CREB5: variants seen among roughly 807,000 people sequenced by gnomAD.
CREB5 encodes the protein cAMP responsive element binding protein 5.
A neutral mutation model predicts 57.1 loss-of-function variants in CREB5; 19 were observed. The ratio of observed to expected loss-of-function variants is 0.33; its 90% confidence interval spans 0.23 to 0.49. The LOEUF (loss-of-function observed/expected upper bound fraction) is 0.49. Ranked by LOEUF, CREB5 falls within the 20% of genes least tolerant of loss-of-function variation. CREB5 has a pLI of 0.99. For missense variants in CREB5, 579 were observed against 671.6 expected (o/e 0.86, Z 1.52); for synonymous variants, 238 against 238.3 (o/e 1.00, Z 0.01).
chr7:28,592,187 T>C (rs1796544410), intron 5 of CREB5, among the ~76,000 whole-genome samples: 2 of 152,234 alleles, frequency 1.3e-5, no homozygotes, highest in Admixed American at 1.3e-4. Context: ...GGTGGGCTGT[T>C]CCTGTTTTAA....
At chr7:28,773,777 C>T (rs1210091204) in intron 7 of CREB5, among the ~76,000 whole-genome samples, 1 of 152,202 alleles carries the variant, frequency 6.6e-6, no homozygotes, top group Non-Finnish European at 1.5e-5. Context: ...TAATATGGCT[C>T]CAACCAGGTT....
rs141935222 is a variant in CREB5 at position 28,634,595 on chromosome 7, T to C, written c.464+64058T>C. On this transcript the variant is annotated intron_variant, in intron 5 of 10. Transcript: ENST00000357727. ...GCCCTCCCCTGTGTATCATGCCTTA[T>C]TGCTTGGGTTGTCAAAATTGTAATC... Among the ~76,000 whole-genome samples, 367 of 152,222 alleles carry C rather than the reference T, an allele frequency of 2.4e-3. 7 individuals are homozygous for C. The highest frequency in any genetic ancestry group is 0.01 in the Middle Eastern group (3 of 294).
intron 4 of CREB5, among the ~76,000 whole-genome samples, chr7:28,512,969 T>C (rs993972516): frequency 6.6e-6 from 1 of 152,172 alleles, no homozygotes; most frequent in East Asian, 1.9e-4. Flanking sequence ...AGGGACAAGC[T>C]ACAGTCTTAA....
At chr7:28,400,054 G>A (rs1461380953) in intron 1 of CREB5, among the ~76,000 whole-genome samples, 1 of 140,798 alleles carries the variant, frequency 7.1e-6, no homozygotes, top group Non-Finnish European at 1.5e-5. Context: ...GCGAAACTCT[G>A]TCTGAAACAG....
chr7:28,316,179 C>T (rs545467356), intron 1 of CREB5, among the ~76,000 whole-genome samples: 4 of 152,228 alleles, frequency 2.6e-5, no homozygotes, highest in African/African-American at 7.2e-5. Flanking sequence ...TGAACTTGGC[C>T]TTCAAGTGCT....
At chr7:28,421,555 G>T (rs543713303) in intron 1 of CREB5, among the ~76,000 whole-genome samples, 3 of 151,970 alleles carry the variant, frequency 2.0e-5, no homozygotes, top group Non-Finnish European at 4.4e-5. Context: ...ACATTGGTAT[G>T]TGTGTGATGT....
At chr7:28,591,074 G>A (rs926207196) in intron 5 of CREB5, among the ~76,000 whole-genome samples, 3 of 152,144 alleles carry the variant, frequency 2.0e-5, no homozygotes, top group African/African-American at 7.2e-5. Flanking sequence ...ATAAACATGA[G>A]CACTGTTTAG....
At chr7:28,701,928 G>T (rs943925248) in intron 5 of CREB5, among the ~76,000 whole-genome samples, 8 of 152,198 alleles carry the variant, frequency 5.3e-5, no homozygotes, top group African/African-American at 1.4e-4. Context: ...TACTGGCTGT[G>T]AACCAATAGG....
intron 1 of CREB5, among the ~76,000 whole-genome samples, chr7:28,392,483 A>G (rs1441387544): frequency 6.6e-6 from 1 of 152,180 alleles, no homozygotes; most frequent in East Asian, 1.9e-4. Flanking sequence ...AAAAACCGCA[A>G]TTACTTTTGC....
chr7:28,511,284 C>T (rs1369971442), intron 4 of CREB5, among the ~76,000 whole-genome samples: 1 of 151,762 alleles, frequency 6.6e-6, no homozygotes, highest in Non-Finnish European at 1.5e-5. Context: ...CAGGTACGTA[C>T]TGGGGAGAAG....
At chr7:28,491,803 A>T (rs16874596) in intron 2 of CREB5, among the ~76,000 whole-genome samples, 2,681 of 152,236 alleles carry the variant, frequency 0.018, 52 homozygotes, top group African/African-American at 0.057. Flanking sequence ...TACTTTAGGG[A>T]TGTCCTACAG....
intron 5 of CREB5, among the ~76,000 whole-genome samples, chr7:28,600,047 G>A (rs1796854908): frequency 6.6e-6 from 1 of 152,036 alleles, no homozygotes; most frequent in South Asian, 2.1e-4. Context: ...GGTGAGGGTG[G>A]ACAGCAGCAC....
chr7:28,726,848 C>T (rs1803362247), intron 7 of CREB5: 2 of 152,154 alleles, frequency 1.3e-5, no homozygotes, highest in Non-Finnish European at 2.9e-5. Context: ...ATTTCAAGCT[C>T]CCTGTTGGCC....
At chr7:28,687,953 C>G (rs1275147806) in intron 5 of CREB5, among the ~76,000 whole-genome samples, 1 of 152,132 alleles carries the variant, frequency 6.6e-6, no homozygotes, top group African/African-American at 2.4e-5. Flanking sequence ...CATGGGGAAC[C>G]AATCTTAGAT....
intron 4 of CREB5, among the ~76,000 whole-genome samples, chr7:28,563,614 C>T (rs1445123399): frequency 6.6e-6 from 1 of 152,226 alleles, no homozygotes; most frequent in African/African-American, 2.4e-5. Flanking sequence ...CAGCCCCAAC[C>T]TCCTGGGCTC....
At chr7:28,811,852 T>G (rs1407399979) in intron 9 of CREB5, among the ~76,000 whole-genome samples, 1 of 152,220 alleles carries the variant, frequency 6.6e-6, no homozygotes, top group Non-Finnish European at 1.5e-5. Context: ...TAGTAAATAT[T>G]ACCGCAGTGG....
chr7:28,379,931 C>A (rs1786933433), intron 1 of CREB5, among the ~76,000 whole-genome samples: 1 of 152,226 alleles, frequency 6.6e-6, no homozygotes, highest in South Asian at 2.1e-4. Flanking sequence ...GCTCTGTCAC[C>A]CAGGCTGCAG....
intron 7 of CREB5, among the ~76,000 whole-genome samples, chr7:28,774,875 T>C (rs756611824): frequency 3.9e-5 from 6 of 152,258 alleles, no homozygotes; most frequent in African/African-American, 7.2e-5. Context: ...AACTGTTTAC[T>C]CAGCTGTCCT....
intron 4 of CREB5, among the ~76,000 whole-genome samples, chr7:28,567,736 G>T (rs937932665): frequency 1.3e-5 from 2 of 152,188 alleles, no homozygotes; most frequent in Non-Finnish European, 2.9e-5. Flanking sequence ...AGCATACAAG[G>T]CCCGATGCTG....
Sources: allele counts gnomAD v4.1 joint callset (sites outside exome capture counted in the v4.1 genomes callset), GRCh38; gene constraint gnomAD v4.1.1; transcripts MANE v1.5; gene names NCBI Gene and HGNC (gene_info 2026-07-23, HGNC 2026-07-21).